DLX6: variants seen among roughly 807,000 people sequenced by gnomAD.
DLX6 encodes homeobox protein DLX-6.
DLX6 carries 4 observed loss-of-function variants against 33.5 expected under a neutral mutation model. That is an observed-to-expected ratio of 0.12 (90% CI 0.06 to 0.27). The LOEUF is 0.27. Ranked by LOEUF, DLX6 falls within the 10% of genes least tolerant of loss-of-function variation. The pLI, the probability that DLX6 is intolerant of heterozygous loss-of-function variation, is 1.00. For missense variants in DLX6, 382 were observed against 393.3 expected (o/e 0.97, Z 0.24); for synonymous variants, 184 against 164.8 (o/e 1.12, Z -0.89).
In DLX6 at chr7:97,010,377, G is replaced by A. The variant is rs1441681114; in HGVS notation, c.*330G>A. ...AGAGAGAGAGAAAGAGCATGTGTGA[G>A]AGAGAAACTGGTTTCTATGCCAGCA... On this transcript the variant is annotated 3_prime_UTR_variant, in exon 3 of 3. Transcript: ENST00000518156. The A allele has an allele frequency of 1.2e-5, 3 of 243,818 alleles. No individual in the cohort carries two copies. Among genetic ancestry groups the A allele is most frequent in the African/African-American group, 4.5e-5 (2 of 44,758 alleles). The allele number at this position is 243,818 out of a possible 1,614,324, so 15.1% of individuals were successfully genotyped here.
intron 2 of DLX6, 53 bp downstream of exon 2, chr7:97,007,884 C>G (rs1288363150): frequency 6.7e-7 from 1 of 1,485,490 alleles, no homozygotes; most frequent in Non-Finnish European, 9.0e-7. Context: ...GCTTGCAGAT[C>G]GGGCAGGGAG....
At chr7:97,007,975 CT>C in intron 2 of DLX6, 144 bp downstream of exon 2, 1 of 826,892 alleles carries the variant, frequency 1.2e-6, no homozygotes. Flanking sequence ...CAGTTATGCA[CT>C]TTCCTGGGAC....
rs753838572 is a variant in DLX6 at position 97,005,843 on chromosome 7, CTTTTTTTTTT to C, written c.-120_-111del. On this transcript the variant is annotated 5_prime_UTR_variant, in exon 1 of 3. Transcript: ENST00000518156. ...CCACCTCCACCCCCCTCTTTAAATT[CTTTTTTTTTT>C]TTTTTTTTTTTTTTGCAAGGATCCA... The C allele has an allele frequency of 0.036, 8,190 of 226,718 alleles. 180 individuals carry two copies. Among genetic ancestry groups the C allele is most frequent in the East Asian group, 0.2 (2,499 of 12,466 alleles). 14.0% of individuals were successfully genotyped at this position (226,718 alleles called of 1,614,324 possible).
Position 97,010,193 on chromosome 7 carries a change from C to CCT in DLX6, c.*160_*161dup, listed in dbSNP as rs147798666. On this transcript the variant is annotated 3_prime_UTR_variant, in exon 3 of 3. Coordinates refer to ENST00000518156, the MANE Select transcript of DLX6 (RefSeq NM_005222.4). ...AAGCCGACTAGGCTCATTCTCTCTC[C>CCT]CTCTCTCTCTCTCTCCCTCTCCTTT... 1,298 of 728,000 alleles carry CCT rather than the reference C, an allele frequency of 1.8e-3. No homozygotes were observed. Among genetic ancestry groups the CCT allele is most frequent in the South Asian group, 3.5e-3 (142 of 40,880 alleles). The allele number at this position is 728,000 out of a possible 1,614,324, so 45.1% of individuals were successfully genotyped here. A position where few individuals can be genotyped will look rare whatever the true frequency, so the allele number is the denominator to read the frequency against.
Position 97,010,197 on chromosome 7 carries a change from T to C in DLX6, c.*150T>C, listed in dbSNP as rs984207275. 8 of 762,622 alleles carry C rather than the reference T, an allele frequency of 1.0e-5. No homozygotes were observed. Among genetic ancestry groups the C allele is most frequent in the South Asian group, 2.3e-5 (1 of 43,474 alleles). The allele number at this position is 762,622 out of a possible 1,614,324, so 47.2% of individuals were successfully genotyped here. ...CGACTAGGCTCATTCTCTCTCCCTCTCTCTCTCTCTCCCTCTCCTTTCTTT... is the reference window on the plus strand; with the variant it reads ...CGACTAGGCTCATTCTCTCTCCCTCCCTCTCTCTCTCCCTCTCCTTTCTTT... On this transcript the variant is annotated 3_prime_UTR_variant, in exon 3 of 3. Transcript: ENST00000518156.
rs1238166124 is a variant in DLX6, at chr7:97,006,250, C to T, written c.273C>T (p.His91=). 1.9e-5 allele frequency: 29 copies of T among 1,522,978 alleles called. No homozygotes were observed. The highest frequency in any genetic ancestry group is 2.5e-5 in the Non-Finnish European group (28 of 1,132,646). The allele number at this position is 1,522,978 out of a possible 1,614,324, so 94.3% of individuals were successfully genotyped here. The change falls in exon 1 of 3, where the codon CAC becomes CAT. Residue 91 remains histidine, a synonymous_variant. Transcript: ENST00000518156. ...AAAGSHHHHH[H]QHHHHGSPYA... ...CCGGCTCGCACCACCACCACCACCA[C>T]CAGCACCACCACCACGGCTCGCCCT...
intron 2 of DLX6, 115 bp downstream of exon 2, chr7:97,007,946 T>G: frequency 9.3e-7 from 1 of 1,079,856 alleles, no homozygotes; most frequent in East Asian, 2.6e-5. Flanking sequence ...AGGAGCTTAA[T>G]GACAAATGCC....
In DLX6 at chr7:97,010,262, T is replaced by C; in HGVS notation, c.*215T>C. The C allele has an allele frequency of 1.9e-6, 1 of 535,064 alleles. No individual in the cohort carries two copies. Among genetic ancestry groups the C allele is most frequent in the Non-Finnish European group, 3.2e-6 (1 of 313,776 alleles). The allele number at this position is 535,064 out of a possible 1,614,324, so 33.1% of individuals were successfully genotyped here. A position where few individuals can be genotyped will look rare whatever the true frequency, so the allele number is the denominator to read the frequency against. On this transcript the variant is annotated 3_prime_UTR_variant, in exon 3 of 3. Coordinates refer to ENST00000518156, the MANE Select transcript of DLX6 (RefSeq NM_005222.4). Reference sequence around the variant, plus strand: ...CCTCCATTCCTTCTTTCTTTCCTTTTCCTTTCTACCTTTCTTTTCTTTTTG... The same window carrying C: ...CCTCCATTCCTTCTTTCTTTCCTTTCCCTTTCTACCTTTCTTTTCTTTTTG...
Position 97,010,098 on chromosome 7 carries a change from C to A in DLX6, c.*51C>A. 1 of 1,545,186 alleles carries A rather than the reference C, an allele frequency of 6.5e-7. No individual in the cohort carries two copies. The highest frequency in any genetic ancestry group is 8.8e-7 in the Non-Finnish European group (1 of 1,142,338). Reference sequence around the variant, plus strand: ...AACGTCTGAACAAGGAAAAGAGGATCCGGGACCTGCTTGTATCTGCGAAAA... The same window carrying A: ...AACGTCTGAACAAGGAAAAGAGGATACGGGACCTGCTTGTATCTGCGAAAA... On this transcript the variant is annotated 3_prime_UTR_variant, in exon 3 of 3. Transcript: ENST00000518156.
chr7:97,007,405 C>G (rs1789760175), intron 1 of DLX6: 1 of 602,824 alleles, frequency 1.7e-6, no homozygotes, highest in Admixed American at 2.9e-5. Flanking sequence ...GCCTCTGGCG[C>G]TCCCTTGGCC....
intron 2 of DLX6, among the ~76,000 whole-genome samples, chr7:97,009,448 C>T (rs1180226432): frequency 6.6e-6 from 1 of 152,098 alleles, no homozygotes; most frequent in Non-Finnish European, 1.5e-5. Flanking sequence ...AATTGAATGG[C>T]TTTGATTTGA....
In DLX6 at chr7:97,006,207, C is replaced by T; in HGVS notation, c.230C>T (p.Ala77Val). ...TACCCTCTGCACTGCCTGCACTCGGCGGCGGCGGCGGCAGCGGCCGGCTCG... is the reference window on the plus strand; with the variant it reads ...TACCCTCTGCACTGCCTGCACTCGGTGGCGGCGGCGGCAGCGGCCGGCTCG... ...AHYPLHCLHSAAAAAAAGSHH... is the reference protein window; with the variant it reads ...AHYPLHCLHSVAAAAAAGSHH... Residue 77 changes from alanine (A) to valine (V), a missense_variant, in exon 1 of 3, where the codon GCG (alanine) becomes GTG (valine). Coordinates refer to ENST00000518156, the MANE Select transcript of DLX6 (RefSeq NM_005222.4). 3 of 1,482,258 alleles carry T rather than the reference C, an allele frequency of 2.0e-6. No individual in the cohort carries two copies. The highest frequency in any genetic ancestry group is 3.5e-4 in the Middle Eastern group (2 of 5,654). 91.8% of individuals were successfully genotyped at this position (1,482,258 alleles called of 1,614,324 possible).
chr7:97,010,614 C>T lies in DLX6; in HGVS notation c.*567C>T, dbSNP rs1165684853. 1 of 152,530 alleles carries T rather than the reference C, an allele frequency of 6.6e-6. No homozygotes were observed. Among genetic ancestry groups the T allele is most frequent in the Non-Finnish European group, 1.5e-5 (1 of 68,092 alleles). The allele number at this position is 152,530 out of a possible 1,614,324, so 9.4% of individuals were successfully genotyped here. A position where few individuals can be genotyped will look rare whatever the true frequency, so the allele number is the denominator to read the frequency against. On this transcript the variant is annotated 3_prime_UTR_variant, in exon 3 of 3. Coordinates refer to ENST00000518156, the MANE Select transcript of DLX6 (RefSeq NM_005222.4). ...GAAAGAGAAGCATTTTGGACTCCTG[C>T]ATTTTTATTTACCATTCCCAGACTG...
rs778865296 is a variant in DLX6, at chr7:97,009,871, G to C, written c.706G>C (p.Asp236His). 13 of 1,613,956 alleles carry C rather than the reference G, an allele frequency of 8.1e-6. No homozygotes were observed. Among genetic ancestry groups the C allele is most frequent in the Middle Eastern group, 1.6e-4 (1 of 6,062 alleles). ...LKQGSNPHES[D>H]PLQGSAALSP... The stretch of plus-strand genomic sequence containing the variant: ...GCAGGGCAGTAATCCTCATGAGAGC[G>C]ACCCCCTCCAGGGCTCGGCGGCCCT... Residue 236 changes from aspartate to histidine, a missense_variant, in exon 3 of 3, where the codon GAC becomes CAC. Asp to His is a moderately conservative substitution (Grantham distance 81). Transcript: ENST00000518156.
At chr7:97,007,528 A>T in intron 1 of DLX6, 110 bp from the exon 2 acceptor site, 1 of 1,012,842 alleles carries the variant, frequency 9.9e-7, no homozygotes. Flanking sequence ...GGATTTTTCG[A>T]GGTAACCCTT....
Position 97,006,111 on chromosome 7 carries a change from C to CA in DLX6, c.134_135insA (p.Pro46AlafsTer109), listed in dbSNP as rs1562791218. ...CAGCAGCAGCAGCAACAGCAACAGC[C>CA]GCCGCCGCCGCCGCCGCCGCCGCCG... is the stretch of plus-strand genomic sequence containing the variant. On this transcript the variant is annotated frameshift_variant, in exon 1 of 3. Coordinates refer to ENST00000518156, the MANE Select transcript of DLX6 (RefSeq NM_005222.4). LOFTEE classifies it high-confidence loss of function. The CA allele has an allele frequency of 7.3e-5, 88 of 1,211,440 alleles. No individual in the cohort carries two copies. The highest frequency in any genetic ancestry group is 9.3e-5 in the Non-Finnish European group (85 of 909,418). 75.0% of individuals were successfully genotyped at this position (1,211,440 alleles called of 1,614,324 possible).
chr7:97,010,276 C>T lies in DLX6; in HGVS notation c.*229C>T. 1 of 516,294 alleles carries T rather than the reference C, an allele frequency of 1.9e-6. No homozygotes were observed. Among genetic ancestry groups the T allele is most frequent in the African/African-American group, 1.9e-5 (1 of 52,314 alleles). The allele number at this position is 516,294 out of a possible 1,614,324, so 32.0% of individuals were successfully genotyped here. On this transcript the variant is annotated 3_prime_UTR_variant, in exon 3 of 3. Transcript: ENST00000518156. ...TTCTTTCCTTTTCCTTTCTACCTTT[C>T]TTTTCTTTTTGCCTTTCACCTTTTT...
chr7:97,007,907 A>T, intron 2 of DLX6, 76 bp downstream of exon 2: 1 of 1,406,326 alleles, frequency 7.1e-7, no homozygotes, highest in Non-Finnish European at 9.5e-7. Context: ...CATCAGGAGG[A>T]ATTGTTGGCC....
In DLX6 at chr7:97,005,900, G is replaced by A; in HGVS notation, c.-78G>A. On this transcript the variant is annotated 5_prime_UTR_variant, in exon 1 of 3. Transcript: ENST00000518156. The stretch of plus-strand genomic sequence containing the variant: ...TCCAAAGAGCTAAGGTGGCTGCAGA[G>A]GGGAGAGCGGCGCGAGCCAAGTGGG... The A allele has an allele frequency of 1.7e-6, 2 of 1,202,914 alleles. No individual in the cohort carries two copies. The highest frequency in any genetic ancestry group is 2.3e-6 in the Non-Finnish European group (2 of 873,334). 74.5% of individuals were successfully genotyped at this position (1,202,914 alleles called of 1,614,324 possible). A position where few individuals can be genotyped will look rare whatever the true frequency, so the allele number is the denominator to read the frequency against.
Sources: allele counts gnomAD v4.1 joint callset (sites outside exome capture counted in the v4.1 genomes callset), GRCh38; gene constraint gnomAD v4.1.1; transcripts MANE v1.5; gene names NCBI Gene and HGNC (gene_info 2026-07-23, HGNC 2026-07-21).